GRIN2B: variants seen among roughly 807,000 people sequenced by gnomAD.
The protein encoded by GRIN2B is glutamate receptor ionotropic, NMDA 2B.
In GRIN2B, 5 loss-of-function variants were observed where a neutral mutation model predicts 114.5. The observed-to-expected ratio is 0.04, with a 90% CI of 0.02 to 0.09. The LOEUF is 0.09. GRIN2B is among the 10% of genes least tolerant of loss of function. The pLI is 1.00. For missense variants in GRIN2B, 1,108 were observed against 1,943.5 expected (o/e 0.57, Z 8.08); for synonymous variants, 787 against 745.1 (o/e 1.06, Z -0.92).
chr12:13,678,373 C>T (rs534917963), intron 4 of GRIN2B, among the ~76,000 whole-genome samples: 6 of 152,186 alleles, frequency 3.9e-5, no homozygotes, highest in African/African-American at 1.4e-4. Context: ...ATGGTGCCAT[C>T]GCTATTGGAG....
At chr12:13,565,655 G>A (rs1948629253) in intron 13 of GRIN2B, among the ~76,000 whole-genome samples, 2 of 152,132 alleles carry the variant, frequency 1.3e-5, no homozygotes, top group Non-Finnish European at 2.9e-5. Context: ...CCCTGGCTAG[G>A]GAAAGCATAT....
At chr12:13,581,509 G>T (rs564566340) in intron 10 of GRIN2B, among the ~76,000 whole-genome samples, 1 of 152,258 alleles carries the variant, frequency 6.6e-6, no homozygotes, top group African/African-American at 2.4e-5. Flanking sequence ...AAGGTCAGGT[G>T]ACCACACAAG....
chr12:13,851,894 C>T (rs992236985), intron 3 of GRIN2B, among the ~76,000 whole-genome samples: 1 of 151,636 alleles, frequency 6.6e-6, no homozygotes, highest in Non-Finnish European at 1.5e-5. Context: ...AGAAGTGGAG[C>T]GATGCAGATG....
chr12:13,962,784 C>T (rs1867718669), intron 2 of GRIN2B, among the ~76,000 whole-genome samples: 1 of 152,172 alleles, frequency 6.6e-6, no homozygotes, highest in South Asian at 2.1e-4. Context: ...CAGAACTTCC[C>T]AGGGGGGCAG....
intron 10 of GRIN2B, among the ~76,000 whole-genome samples, chr12:13,581,276 A>T (rs1218064344): frequency 6.6e-6 from 1 of 152,216 alleles, no homozygotes; most frequent in Non-Finnish European, 1.5e-5. Context: ...AAGCAAGTAC[A>T]GAAACTGACA....
intron 2 of GRIN2B, among the ~76,000 whole-genome samples, chr12:13,953,145 A>G (rs1867522670): frequency 2.0e-5 from 3 of 152,082 alleles, no homozygotes; most frequent in Admixed American, 1.3e-4. Context: ...CAGAGTACCT[A>G]CACATGACCT....
intron 5 of GRIN2B, among the ~76,000 whole-genome samples, chr12:13,651,119 G>T: frequency 6.6e-6 from 1 of 152,070 alleles, no homozygotes; most frequent in East Asian, 1.9e-4. Context: ...AAGAAAAGGG[G>T]CAAGAGAGAT....
intron 3 of GRIN2B, among the ~76,000 whole-genome samples, chr12:13,839,372 G>A (rs1003025043): frequency 1.3e-5 from 2 of 152,186 alleles, no homozygotes; most frequent in Non-Finnish European, 2.9e-5. Context: ...GGTTGGGCTA[G>A]AATATTTTCC....
intron 2 of GRIN2B, among the ~76,000 whole-genome samples, chr12:13,976,415 G>A (rs1054017080): frequency 1.3e-5 from 2 of 152,146 alleles, no homozygotes; most frequent in Admixed American, 1.3e-4. Flanking sequence ...GGGTAGAATG[G>A]CACTGAGGAA....
At chr12:13,608,475 A>C (rs1018083874) in intron 10 of GRIN2B, 128 bp downstream of exon 10, 2 of 724,040 alleles carry the variant, frequency 2.8e-6, no homozygotes, top group Non-Finnish European at 5.0e-6. Flanking sequence ...CCATGTTCCA[A>C]TACAAGAAAA....
intron 4 of GRIN2B, among the ~76,000 whole-genome samples, chr12:13,738,329 C>A (rs919900060): frequency 6.6e-6 from 1 of 152,200 alleles, no homozygotes; most frequent in African/African-American, 2.4e-5. Flanking sequence ...CTCATCAAGG[C>A]CAGCCGACAC....
chr12:13,858,204 G>A (rs1430438269), intron 3 of GRIN2B, among the ~76,000 whole-genome samples: 1 of 152,096 alleles, frequency 6.6e-6, no homozygotes, highest in Non-Finnish European at 1.5e-5. Flanking sequence ...AAGATGACTA[G>A]CTCATATAAA....
At chr12:13,671,285 A>G (rs1310967471) in intron 5 of GRIN2B, among the ~76,000 whole-genome samples, 4 of 152,270 alleles carry the variant, frequency 2.6e-5, no homozygotes, top group Middle Eastern at 6.8e-3. Context: ...TCTTTACAAC[A>G]GCCTTATGTA....
intron 5 of GRIN2B, among the ~76,000 whole-genome samples, chr12:13,636,135 T>C (rs1949663769): frequency 6.6e-6 from 1 of 152,180 alleles, no homozygotes; most frequent in Non-Finnish European, 1.5e-5. Flanking sequence ...TTGAATAAAG[T>C]GAATGTCATG....
intron 5 of GRIN2B, among the ~76,000 whole-genome samples, chr12:13,642,839 C>T (rs952400338): frequency 2.0e-5 from 3 of 152,142 alleles, no homozygotes; most frequent in Admixed American, 6.6e-5. Context: ...TTAGTGACTG[C>T]TCAGGGCCAT....
intron 5 of GRIN2B, among the ~76,000 whole-genome samples, chr12:13,662,261 T>A (rs1057010023): frequency 6.6e-6 from 1 of 152,182 alleles, no homozygotes; most frequent in African/African-American, 2.4e-5. Context: ...ATACTACTCA[T>A]ATTTCTCCTG....
chr12:13,757,398 G>T (rs997117171), intron 3 of GRIN2B, among the ~76,000 whole-genome samples: 1 of 152,212 alleles, frequency 6.6e-6, no homozygotes, highest in Non-Finnish European at 1.5e-5. Context: ...ACAAATAAAA[G>T]GGAAATCTTC....
intron 3 of GRIN2B, among the ~76,000 whole-genome samples, chr12:13,757,966 G>A: frequency 6.6e-6 from 1 of 152,072 alleles, no homozygotes; most frequent in Admixed American, 6.5e-5. Context: ...AGGATTAAGT[G>A]CCCCAGCGGC....
At chr12:13,685,211 G>A (rs1402150512) in intron 4 of GRIN2B, among the ~76,000 whole-genome samples, 2 of 152,032 alleles carry the variant, frequency 1.3e-5, no homozygotes, top group African/African-American at 4.8e-5. Context: ...TTACACATTG[G>A]GTGGTCAACA....
Sources: gnomAD v4.1 joint callset for allele counts (sites outside exome capture counted in the v4.1 genomes callset) on GRCh38, gnomAD v4.1.1 for gene constraint, MANE v1.5 for transcripts, NCBI Gene and HGNC (gene_info 2026-07-23, HGNC 2026-07-21) for gene names.